The following KCTD21 variants were observed in gnomAD, a reference collection of about 807,000 sequenced individuals.
KCTD21 encodes BTB/POZ domain-containing protein KCTD21.
KCTD21 carries 9 observed loss-of-function variants against 13.2 expected under a neutral mutation model. That is an observed-to-expected ratio of 0.68 (90% CI 0.41 to 1.19). The LOEUF is 1.19. KCTD21 is among the 50% of genes most tolerant of loss of function. KCTD21 has a pLI of 0.01. For synonymous variants in KCTD21, 142 were observed against 137.4 expected (o/e 1.03, Z -0.23); for missense variants, 303 against 336.5 (o/e 0.90, Z 0.78).
At chr11:78,183,396 C>T (rs1180918351) in intron 1 of KCTD21, among the ~76,000 whole-genome samples, 5 of 151,764 alleles carry the variant, frequency 3.3e-5, no homozygotes, top group African/African-American at 7.3e-5. Flanking sequence ...AATAGCTGGG[C>T]GGGGTGGCGT....
chr11:78,184,871 G>A (rs952488380), intron 1 of KCTD21, among the ~76,000 whole-genome samples: 1 of 151,926 alleles, frequency 6.6e-6, no homozygotes, highest in Non-Finnish European at 1.5e-5. Context: ...CCAAGTAGCT[G>A]GGACTACAGG....
chr11:78,185,119 C>T (rs942831078), intron 1 of KCTD21, among the ~76,000 whole-genome samples: 14 of 152,106 alleles, frequency 9.2e-5, no homozygotes, highest in African/African-American at 2.7e-4. Context: ...TGTAGTAGAA[C>T]GCCCTTATTA....
intron 1 of KCTD21, among the ~76,000 whole-genome samples, chr11:78,178,920 A>G (rs1862535381): frequency 6.6e-6 from 1 of 152,166 alleles, no homozygotes; most frequent in Non-Finnish European, 1.5e-5. Context: ...ACCATGTCTC[A>G]GGTGGAAAGG....
intron 1 of KCTD21, chr11:78,186,645 A>G (rs1862783886): frequency 3.2e-6 from 3 of 947,432 alleles, no homozygotes; most frequent in Admixed American, 6.2e-5. Flanking sequence ...ATCTCTTTCA[A>G]TCTCACAGAT....
intron 1 of KCTD21, among the ~76,000 whole-genome samples, chr11:78,175,612 TTC>T (rs1862428395): frequency 6.6e-6 from 1 of 152,332 alleles, no homozygotes; most frequent in South Asian, 2.1e-4. Context: ...TTAATTATTA[TTC>T]TCTCTCAAAG....
rs1453290689 is a variant in KCTD21 at position 78,173,172 on chromosome 11, C to G, written c.*600G>C. The G allele has an allele frequency of 6.5e-6, 1 of 153,792 alleles. No individual in the cohort carries two copies. Among genetic ancestry groups the G allele is most frequent in the Non-Finnish European group, 1.4e-5 (1 of 69,202 alleles). The allele number at this position is 153,792 out of a possible 1,614,324, so 9.5% of individuals were successfully genotyped here. ...CTGAACTCTGCCTGGACACTCATTC[C>G]TCTAGACCCTGCCACACCTCATCTC... On this transcript the variant is annotated 3_prime_UTR_variant, in exon 2 of 2. Transcript: ENST00000340067.
intron 1 of KCTD21, chr11:78,187,155 A>G (rs1862803765): frequency 1.0e-6 from 1 of 985,284 alleles, no homozygotes; most frequent in South Asian, 4.7e-5. Context: ...AAAAAAGACA[A>G]TGCTCAGAGT....
intron 1 of KCTD21, chr11:78,178,122 CCTT>C (rs1252641724): frequency 1.5e-5 from 2 of 135,020 alleles, no homozygotes; most frequent in African/African-American, 5.5e-5. Flanking sequence ...TCCTCTAAGC[CCTT>C]CTTTTCTTTT....
At chr11:78,176,033 A>G (rs1290821022) in intron 1 of KCTD21, among the ~76,000 whole-genome samples, 3 of 152,044 alleles carry the variant, frequency 2.0e-5, no homozygotes, top group East Asian at 3.9e-4. Context: ...ATTATTTCCA[A>G]TTTCATCCAT....
At chr11:78,183,512 GGCAACA>G (rs1201830076) in intron 1 of KCTD21, among the ~76,000 whole-genome samples, 3 of 151,318 alleles carry the variant, frequency 2.0e-5, no homozygotes, top group African/African-American at 7.3e-5. Context: ...CACCAGCCAG[GGCAACA>G]GAGTGAGACT....
chr11:78,180,027 T>C (rs1030676071), intron 1 of KCTD21, among the ~76,000 whole-genome samples: 81 of 152,258 alleles, frequency 5.3e-4, no homozygotes, highest in African/African-American at 1.9e-3. Flanking sequence ...AAAAAGAACC[T>C]TGGTCCATCT....
At chr11:78,177,893 T>G (rs1590876801) in intron 1 of KCTD21, 1 of 152,186 alleles carries the variant, frequency 6.6e-6, no homozygotes. Flanking sequence ...GACCCCTGGG[T>G]AGGTGCCCAA....
At position 78,171,343 on chromosome 11, in the gene KCTD21, T is replaced by C. The variant is rs1590868832; in HGVS notation, c.*2429A>G. 6.5e-6 allele frequency: 1 copy of C among 152,808 alleles called. No individual in the cohort carries two copies. Among genetic ancestry groups the C allele is most frequent in the Non-Finnish European group, 1.5e-5 (1 of 68,044 alleles). 9.5% of individuals were successfully genotyped at this position (152,808 alleles called of 1,614,324 possible). ...TAGGTAGGGTTATGTATTACTGTTATGCCTATTTCACAGATGAAGAAATGG... is the reference window on the plus strand; with the variant it reads ...TAGGTAGGGTTATGTATTACTGTTACGCCTATTTCACAGATGAAGAAATGG... On this transcript the variant is annotated 3_prime_UTR_variant, in exon 2 of 2. Coordinates refer to ENST00000340067, the MANE Select transcript of KCTD21 (RefSeq NM_001029859.3).
At position 78,188,144 on chromosome 11, in the gene KCTD21, CG is replaced by C; in HGVS notation, c.-30+428del. 3.0e-6 allele frequency: 3 copies of C among 985,366 alleles called. 1 individual carries two copies. In the South Asian group the frequency reaches 1.4e-4, roughly 46 times the overall value. 61.0% of individuals were successfully genotyped at this position (985,366 alleles called of 1,614,324 possible). ...GCAAGTTCCCTGTCATCTGTGTCTC[CG>C]CCCTTCCTTCCCCAATCTCACCCAG... On this transcript the variant is annotated intron_variant, in intron 1 of 1. Coordinates refer to ENST00000340067, the MANE Select transcript of KCTD21 (RefSeq NM_001029859.3).
At chr11:78,183,626 G>A (rs556563668) in intron 1 of KCTD21, among the ~76,000 whole-genome samples, 1 of 151,764 alleles carries the variant, frequency 6.6e-6, no homozygotes, top group South Asian at 2.1e-4. Context: ...GATAGAGACA[G>A]GAAAAATTAA....
intron 1 of KCTD21, among the ~76,000 whole-genome samples, chr11:78,185,722 G>A (rs182430032): frequency 6.2e-4 from 95 of 152,106 alleles, no homozygotes; most frequent in African/African-American, 2.1e-3. Context: ...CTCCTGAGTA[G>A]CTGGGATTTC....
At chr11:78,175,211 T>C (rs563005212) in intron 1 of KCTD21, 1 of 151,448 alleles carries the variant, frequency 6.6e-6, no homozygotes, top group African/African-American at 2.4e-5. Context: ...TAATCCCAGC[T>C]GTTCAGGAGG....
intron 1 of KCTD21, chr11:78,187,959 T>C: frequency 1.0e-6 from 1 of 985,366 alleles, no homozygotes; most frequent in Non-Finnish European, 1.2e-6. Flanking sequence ...GTGACGCCTC[T>C]ACTTTTCAGG....
At position 78,174,242 on chromosome 11, in the gene KCTD21, T is replaced by G; in HGVS notation, c.313A>C (p.Lys105Gln). Residue 105 changes from lysine to glutamine, a missense_variant, in exon 2 of 2, where the codon AAG becomes CAG. Physicochemically the swap from Lys to Gln is moderately conservative, Grantham distance 53 (BLOSUM62 1). Transcript: ENST00000340067. ...TTGAGCATGGCATTCTTCTCGGCCT[T>G]GGAGAGCTCCACTTCCTTCTCCTGC... ...ALQEKEVELSKAEKNAMLNIT... is the reference protein window; with the variant it reads ...ALQEKEVELSQAEKNAMLNIT... The G allele has an allele frequency of 6.2e-7, 1 of 1,614,060 alleles. No individual in the cohort carries two copies. The highest frequency in any genetic ancestry group is 1.7e-5 in the Admixed American group (1 of 60,032).
Sources: allele counts gnomAD v4.1 joint callset (sites outside exome capture counted in the v4.1 genomes callset), GRCh38; gene constraint gnomAD v4.1.1; transcripts MANE v1.5; gene names NCBI Gene and HGNC (gene_info 2026-07-23, HGNC 2026-07-21).